Variants in HSPA12A observed in about 807,000 individuals in gnomAD.
HSPA12A encodes heat shock 70 kDa protein 12A.
In HSPA12A, 28 loss-of-function variants were observed where a neutral mutation model predicts 69.2. The observed-to-expected ratio is 0.40, with a 90% CI of 0.30 to 0.55. HSPA12A has a LOEUF of 0.55. HSPA12A is among the 20% of genes least tolerant of loss of function. HSPA12A has a pLI of 0.38. For missense variants in HSPA12A, 686 were observed against 900.7 expected (o/e 0.76, Z 3.05); for synonymous variants, 345 against 370.5 (o/e 0.93, Z 0.79).
upstream of HSPA12A, among the ~76,000 whole-genome samples, chr10:116,744,566 A>C (rs907851525): frequency 4.6e-5 from 7 of 152,222 alleles, no homozygotes; most frequent in Admixed American, 3.3e-4. Flanking sequence ...TGCAGGCCCC[A>C]GTGCTGGGGG....
At chr10:116,702,066 A>C (rs1252879449) in intron 3 of HSPA12A, among the ~76,000 whole-genome samples, 1 of 152,020 alleles carries the variant, frequency 6.6e-6, no homozygotes, top group African/African-American at 2.4e-5. Flanking sequence ...CTATGATCGC[A>C]TCACTGCACT....
intron 2 of HSPA12A, chr10:116,832,643 C>G (rs1008699225): frequency 6.6e-6 from 1 of 152,154 alleles, no homozygotes; most frequent in African/African-American, 2.4e-5. Context: ...ACCTTCCATG[C>G]CAGGTGCTGA....
In HSPA12A at chr10:116,683,836, T is replaced by C. The variant is rs781791082; in HGVS notation, c.790A>G (p.Asn264Asp). The stretch of plus-strand genomic sequence containing the variant: ...ACTGTGTCACTGCCGCTGTACCCAT[T>C]GACGGCTGCCTTGCTGCTCAGCTCA... Reference protein sequence around the residue: ...MIELSSKAAVNGYSGSDTVGA... With the variant: ...MIELSSKAAVDGYSGSDTVGA... The change falls in exon 7 of 12, where the codon AAT (asparagine) becomes GAT (aspartate). Residue 264 changes from asparagine to aspartate, a missense_variant. Transcript: ENST00000369209. The C allele has an allele frequency of 3.1e-6, 5 of 1,594,048 alleles. No individual in the cohort carries two copies. The highest frequency in any genetic ancestry group is 4.3e-6 in the Non-Finnish European group (5 of 1,164,266).
chr10:116,798,085 G>A (rs1223251952), intron 2 of HSPA12A, among the ~76,000 whole-genome samples: 1 of 151,304 alleles, frequency 6.6e-6, no homozygotes, highest in Non-Finnish European at 1.5e-5. Flanking sequence ...ATCACGTGGG[G>A]TCTCCCAAGC....
chr10:116,756,514 C>A (rs1554888804), intron 2 of HSPA12A, among the ~76,000 whole-genome samples: 3 of 152,246 alleles, frequency 2.0e-5, no homozygotes, highest in Admixed American at 2.0e-4. Context: ...CTGCCCTTCC[C>A]TGAGCCTGCT....
intron 2 of HSPA12A, among the ~76,000 whole-genome samples, chr10:116,807,668 GAAGT>G (rs1293614222): frequency 6.6e-6 from 1 of 152,210 alleles, no homozygotes; most frequent in African/African-American, 2.4e-5. Flanking sequence ...GCGCCACTTG[GAAGT>G]AAGTGAGGCT....
chr10:116,811,998 T>A (rs1399488789), intron 2 of HSPA12A, among the ~76,000 whole-genome samples: 2 of 152,256 alleles, frequency 1.3e-5, no homozygotes, highest in African/African-American at 2.4e-5. Flanking sequence ...GGACTGTTGT[T>A]TCCTCCCAGT....
At chr10:116,766,914 C>T (rs376676089) in intron 2 of HSPA12A, among the ~76,000 whole-genome samples, 4 of 152,204 alleles carry the variant, frequency 2.6e-5, no homozygotes, top group Admixed American at 2.0e-4. Flanking sequence ...GCTGGGTTTG[C>T]GTCCACCAGT....
At chr10:116,795,965 T>G (rs1844814411) in intron 2 of HSPA12A, among the ~76,000 whole-genome samples, 1 of 150,242 alleles carries the variant, frequency 6.7e-6, no homozygotes, top group Non-Finnish European at 1.5e-5. Context: ...GCTAACATGG[T>G]GAAACCTCGC....
chr10:116,780,505 C>T (rs1307311528), intron 2 of HSPA12A, among the ~76,000 whole-genome samples: 1 of 148,946 alleles, frequency 6.7e-6, no homozygotes, highest in African/African-American at 2.5e-5. Context: ...GTACGCACCA[C>T]CACACCCAGC....
At chr10:116,749,210 T>C (rs1851718102) in intron 2 of HSPA12A, among the ~76,000 whole-genome samples, 1 of 152,234 alleles carries the variant, frequency 6.6e-6, no homozygotes, top group African/African-American at 2.4e-5. Flanking sequence ...CCGAATGACT[T>C]TAAATGGCTT....
At chr10:116,749,686 G>A (rs1317236684) in intron 2 of HSPA12A, among the ~76,000 whole-genome samples, 1 of 152,136 alleles carries the variant, frequency 6.6e-6, no homozygotes, top group African/African-American at 2.4e-5. Flanking sequence ...CTCTCCTCTC[G>A]CTTGACTCAT....
chr10:116,834,687 T>C (rs1035136139), intron 2 of HSPA12A, among the ~76,000 whole-genome samples: 2 of 152,162 alleles, frequency 1.3e-5, no homozygotes, highest in African/African-American at 4.8e-5. Context: ...TTCTAGGCTT[T>C]GGATAGGTGG....
At chr10:116,808,500 G>C (rs1355637124) in intron 2 of HSPA12A, among the ~76,000 whole-genome samples, 1 of 152,130 alleles carries the variant, frequency 6.6e-6, no homozygotes, top group East Asian at 1.9e-4. Context: ...TCCATGGTGG[G>C]CATTTCAATC....
intron 1 of HSPA12A, among the ~76,000 whole-genome samples, chr10:116,837,245 T>C (rs1637565): frequency 0.74 from 111,907 of 152,124 alleles, 42,264 homozygotes; most frequent in East Asian, 0.96. Context: ...ATGGTTTCAT[T>C]TTCCTCCGAC....
chr10:116,689,830 C>G (rs1050714830), intron 6 of HSPA12A, among the ~76,000 whole-genome samples: 2 of 150,400 alleles, frequency 1.3e-5, no homozygotes, highest in Admixed American at 1.3e-4. Flanking sequence ...TGACCCAGCT[C>G]AAAGGCAGTC....
At chr10:116,786,329 G>A (rs559082428) in intron 2 of HSPA12A, among the ~76,000 whole-genome samples, 8 of 152,168 alleles carry the variant, frequency 5.3e-5, no homozygotes, top group African/African-American at 1.4e-4. Flanking sequence ...GAACAACTCC[G>A]CCTTGCCCCT....
At chr10:116,750,401 G>A in intron 2 of HSPA12A, 1 of 695,712 alleles carries the variant, frequency 1.4e-6, no homozygotes, top group Non-Finnish European at 2.7e-6. Context: ...AGGGAGCACA[G>A]ATGGAGGCTT....
chr10:116,817,134 A>G (rs1845320824), intron 2 of HSPA12A, among the ~76,000 whole-genome samples: 2 of 151,978 alleles, frequency 1.3e-5, no homozygotes, highest in African/African-American at 4.8e-5. Flanking sequence ...CTTCATATTT[A>G]TTATTTTTTT....
Sources: gnomAD v4.1 joint callset for allele counts (sites outside exome capture counted in the v4.1 genomes callset) on GRCh38, gnomAD v4.1.1 for gene constraint, MANE v1.5 for transcripts, NCBI Gene and HGNC (gene_info 2026-07-23, HGNC 2026-07-21) for gene names.